LSAMP: variants seen among roughly 807,000 people sequenced by gnomAD.
LSAMP encodes limbic system-associated membrane protein.
LSAMP carries 7 observed loss-of-function variants against 38.6 expected under a neutral mutation model. That is an observed-to-expected ratio of 0.18 (90% CI 0.10 to 0.34). LSAMP has a LOEUF of 0.34. LSAMP is among the 10% of genes least tolerant of loss of function. The pLI, the probability that LSAMP is intolerant of heterozygous loss-of-function variation, is 1.00. For missense variants in LSAMP, 313 were observed against 420.0 expected (o/e 0.75, Z 2.23); for synonymous variants, 154 against 166.8 (o/e 0.92, Z 0.59).
intron 1 of LSAMP, among the ~76,000 whole-genome samples, chr3:116,196,039 G>A (rs1471821540): frequency 6.6e-6 from 1 of 152,264 alleles, no homozygotes; most frequent in Non-Finnish European, 1.5e-5. Context: ...CAAAGTCCAC[G>A]TTTCAGAAAT....
At chr3:116,221,819 A>C (rs2046288981) in intron 1 of LSAMP, among the ~76,000 whole-genome samples, 1 of 147,578 alleles carries the variant, frequency 6.8e-6, no homozygotes, top group Admixed American at 6.8e-5. Flanking sequence ...CTCTATGTGC[A>C]ACATTCTGCG....
At chr3:116,270,125 G>T (rs1365676935) in intron 1 of LSAMP, among the ~76,000 whole-genome samples, 1 of 152,158 alleles carries the variant, frequency 6.6e-6, no homozygotes, top group South Asian at 2.1e-4. Context: ...GTTTTATTTT[G>T]TGTTTTCCAA....
At chr3:116,258,554 A>C in intron 1 of LSAMP, among the ~76,000 whole-genome samples, 1 of 152,148 alleles carries the variant, frequency 6.6e-6, no homozygotes, top group Non-Finnish European at 1.5e-5. Context: ...ATAATATTTT[A>C]AAAAGATGAT....
chr3:116,247,538 T>G (rs1211497206), intron 1 of LSAMP, among the ~76,000 whole-genome samples: 2 of 152,208 alleles, frequency 1.3e-5, no homozygotes, highest in Non-Finnish European at 1.5e-5. Context: ...AATAATATTA[T>G]GGAGATTTTT....
chr3:116,226,396 C>T (rs1003943898), intron 1 of LSAMP, among the ~76,000 whole-genome samples: 6 of 152,174 alleles, frequency 3.9e-5, no homozygotes, highest in African/African-American at 1.4e-4. Flanking sequence ...CTTTCTGACA[C>T]CCCTTGGTTC....
chr3:116,217,125 T>C (rs1188124014), intron 1 of LSAMP, among the ~76,000 whole-genome samples: 3 of 152,192 alleles, frequency 2.0e-5, no homozygotes, highest in African/African-American at 7.2e-5. Context: ...GGGAGATTAA[T>C]TCTCACTGCT....
At chr3:116,437,009 G>GTA (rs1559867808) in intron 1 of LSAMP, among the ~76,000 whole-genome samples, 3 of 147,168 alleles carry the variant, frequency 2.0e-5, no homozygotes, top group East Asian at 2.0e-4. Context: ...ATATATATGT[G>GTA]TATATATATG....
At chr3:115,906,133 G>A (rs1043533111) in intron 3 of LSAMP, among the ~76,000 whole-genome samples, 1 of 152,162 alleles carries the variant, frequency 6.6e-6, no homozygotes, top group African/African-American at 2.4e-5. Flanking sequence ...AAGGTTACCA[G>A]CCCGAGGAAT....
At chr3:116,076,661 G>A (rs568188473) in intron 2 of LSAMP, among the ~76,000 whole-genome samples, 1 of 152,132 alleles carries the variant, frequency 6.6e-6, no homozygotes, top group African/African-American at 2.4e-5. Flanking sequence ...GTAATTTTTA[G>A]ATACATAAAA....
At chr3:116,324,675 G>T (rs150794990) in intron 1 of LSAMP, among the ~76,000 whole-genome samples, 35 of 152,216 alleles carry the variant, frequency 2.3e-4, no homozygotes, top group Middle Eastern at 3.4e-3. Flanking sequence ...AGTCATGCTG[G>T]GTACCCATAG....
At chr3:116,234,637 T>C (rs2046443599) in intron 1 of LSAMP, among the ~76,000 whole-genome samples, 1 of 152,066 alleles carries the variant, frequency 6.6e-6, no homozygotes, top group Non-Finnish European at 1.5e-5. Context: ...AAAATTAAAC[T>C]ACAGGTTTTA....
chr3:115,945,212 C>T (rs1938055511), intron 3 of LSAMP, among the ~76,000 whole-genome samples: 1 of 152,096 alleles, frequency 6.6e-6, no homozygotes, highest in South Asian at 2.1e-4. Flanking sequence ...TTAACATAAA[C>T]TTTCAAATTA....
chr3:116,211,149 T>G (rs1335692926), intron 1 of LSAMP, among the ~76,000 whole-genome samples: 1 of 151,968 alleles, frequency 6.6e-6, no homozygotes, highest in East Asian at 1.9e-4. Context: ...GCTAAACTCA[T>G]AGAAGCAGAA....
chr3:116,201,773 C>T (rs997414203), intron 1 of LSAMP, among the ~76,000 whole-genome samples: 3 of 152,180 alleles, frequency 2.0e-5, no homozygotes, highest in Admixed American at 6.5e-5. Context: ...AACACCTTGA[C>T]TGGACCTAAC....
chr3:115,838,947 T>C (rs1934889272), intron 6 of LSAMP, among the ~76,000 whole-genome samples: 2 of 152,180 alleles, frequency 1.3e-5, no homozygotes, highest in African/African-American at 4.8e-5. Context: ...TACCTGCTGC[T>C]GCCGCTGGCT....
At chr3:116,164,628 A>AATATATATATATATATAATCCAAAT (rs1559766293) in intron 1 of LSAMP, among the ~76,000 whole-genome samples, 12 of 91,172 alleles carry the variant, frequency 1.3e-4, no homozygotes, top group African/African-American at 5.4e-4. Context: ...ATATAATCCA[A>AATATATATATATATATAATCCAAAT]ATATATATAT....
chr3:116,107,493 A>G (rs1002107415), intron 1 of LSAMP, among the ~76,000 whole-genome samples: 1 of 152,194 alleles, frequency 6.6e-6, no homozygotes, highest in Non-Finnish European at 1.5e-5. Flanking sequence ...TTGTGTAAGA[A>G]TTCTGACTGC....
At chr3:116,426,461 C>CAAA in intron 1 of LSAMP, among the ~76,000 whole-genome samples, 1 of 85,510 alleles carries the variant, frequency 1.2e-5, no homozygotes, top group Non-Finnish European at 2.3e-5. Context: ...AACTCCGTCT[C>CAAA]AAAAAAAAAA....
intron 2 of LSAMP, among the ~76,000 whole-genome samples, chr3:116,045,541 T>TAA (rs10662058): frequency 0.17 from 12,874 of 75,762 alleles, 994 homozygotes; most frequent in Non-Finnish European, 0.23. Flanking sequence ...GTGGAGGTGG[T>TAA]AAAAAAAAAA....
Sources: gnomAD v4.1 joint callset for allele counts (sites outside exome capture counted in the v4.1 genomes callset) on GRCh38, gnomAD v4.1.1 for gene constraint, MANE v1.5 for transcripts, NCBI Gene and HGNC (gene_info 2026-07-23, HGNC 2026-07-21) for gene names.